HOGA1: variants seen among roughly 807,000 people sequenced by gnomAD.
HOGA1 encodes 4-hydroxy-2-oxoglutarate aldolase 1, also known as 4-hydroxy-2-oxoglutarate aldolase, mitochondrial.
In HOGA1, 30 loss-of-function variants were observed where a neutral mutation model predicts 34.3. That is an observed-to-expected ratio of 0.87 (90% confidence interval 0.65 to 1.19). The LOEUF is 1.19. Ranked by LOEUF, HOGA1 falls within the 50% of genes most tolerant of loss-of-function variation. The pLI, the probability that HOGA1 is intolerant of heterozygous loss-of-function variation, is 0.00. For synonymous variants in HOGA1, 161 were observed against 174.0 expected, an observed-to-expected ratio of 0.93 and a Z score of 0.59; for missense variants, 417 against 436.5, an observed-to-expected ratio of 0.96 and a Z score of 0.40.
At chr10:97,609,116 T>C (rs1303458426) in intron 6 of HOGA1, among the ~76,000 whole-genome samples, 1 of 152,148 alleles carries the variant, frequency 6.6e-6, no homozygotes, top group Non-Finnish European at 1.5e-5. Context: ...TATAAGAACT[T>C]GCAGAAACGA....
rs1169191059 is a variant in HOGA1, at chr10:97,593,029, C to CAAAAAAAAAAAAA, written c.212-5736_212-5724dup. On this transcript the variant is annotated intron_variant, in intron 1 of 6. Transcript: ENST00000370646. ...TGGGCGACAGAGTGAGACTCTGTCTCAAAAAAAAAAAAAAAAAAAAAAGAG... is the reference window on the plus strand; with the variant it reads ...TGGGCGACAGAGTGAGACTCTGTCTCAAAAAAAAAAAAAAAAAAAAAAAAAAAAAAAAAAAGAG... Among the ~76,000 whole-genome samples the CAAAAAAAAAAAAA allele has an allele frequency of 1.4e-3, 67 of 47,774 alleles. 1 individual carries two copies. Among genetic ancestry groups the CAAAAAAAAAAAAA allele is most frequent in the African/African-American group, 2.2e-3 (25 of 11,404 alleles). The allele number at this position is 47,774 out of a possible 152,430, so 31.3% of individuals were successfully genotyped here.
chr10:97,598,736 A>G, intron 1 of HOGA1, 39 bp from the exon 2 acceptor site: 1 of 1,613,682 alleles, frequency 6.2e-7, no homozygotes, highest in South Asian at 1.1e-5. Flanking sequence ...GTTGTTCGGT[A>G]GAGGATGGGA....
At chr10:97,587,831 A>G (rs1368718144) in intron 1 of HOGA1, among the ~76,000 whole-genome samples, 7 of 149,960 alleles carry the variant, frequency 4.7e-5, no homozygotes, top group African/African-American at 1.7e-4. Context: ...TATTTTTAAG[A>G]TGGGGTCTCA....
At chr10:97,609,318 C>T (rs1378299867) in intron 6 of HOGA1, among the ~76,000 whole-genome samples, 1 of 152,092 alleles carries the variant, frequency 6.6e-6, no homozygotes, top group African/African-American at 2.4e-5. Context: ...CTCATCTGGC[C>T]CTTGGGACGT....
chr10:97,590,610 C>A, intron 1 of HOGA1: 1 of 1,579,114 alleles, frequency 6.3e-7, no homozygotes. Context: ...TGGATGGAGA[C>A]GCCCCTGCCC....
chr10:97,586,937 G>A (rs2040975710), intron 1 of HOGA1, among the ~76,000 whole-genome samples: 1 of 152,150 alleles, frequency 6.6e-6, no homozygotes. Context: ...AGAGGACCTG[G>A]GCAAGAATCC....
intron 1 of HOGA1, among the ~76,000 whole-genome samples, chr10:97,594,980 C>T (rs959424412): frequency 1.3e-5 from 2 of 152,200 alleles, no homozygotes; most frequent in African/African-American, 4.8e-5. Flanking sequence ...CCCAGGAAGA[C>T]TTCTCAGAGG....
intron 1 of HOGA1, chr10:97,590,219 G>A (rs1335850462): frequency 6.2e-7 from 1 of 1,613,806 alleles, no homozygotes; most frequent in Non-Finnish European, 8.5e-7. Flanking sequence ...AGTGATCCAA[G>A]AGATCCACCA....
At chr10:97,609,449 AT>A (rs1315754842) in intron 6 of HOGA1, among the ~76,000 whole-genome samples, 1 of 151,916 alleles carries the variant, frequency 6.6e-6, no homozygotes, top group Non-Finnish European at 1.5e-5. Context: ...GCCCTACCCC[AT>A]CCTGCCTCAC....
At chr10:97,602,343 C>T in intron 6 of HOGA1, 4 of 1,222,526 alleles carry the variant, frequency 3.3e-6, no homozygotes, top group South Asian at 3.1e-5. Flanking sequence ...AGAGTGTAAA[C>T]CAGGGGCCTC....
intron 1 of HOGA1, among the ~76,000 whole-genome samples, chr10:97,598,085 T>C (rs925491527): frequency 6.6e-6 from 1 of 152,274 alleles, no homozygotes; most frequent in African/African-American, 2.4e-5. Flanking sequence ...AAAATGTTTG[T>C]TTCAGCATTG....
intron 6 of HOGA1, 98 bp downstream of exon 6, chr10:97,602,088 C>G: frequency 6.4e-7 from 1 of 1,551,090 alleles, no homozygotes; most frequent in Non-Finnish European, 8.7e-7. Context: ...CCCACTCAGT[C>G]TCTTCCTTTC....
At chr10:97,608,671 G>T (rs1057359875) in intron 6 of HOGA1, among the ~76,000 whole-genome samples, 3 of 152,010 alleles carry the variant, frequency 2.0e-5, no homozygotes, top group African/African-American at 7.3e-5. Context: ...CAGGCATGGT[G>T]TTGGTCACCT....
chr10:97,592,240 CT>C (rs370993111), intron 1 of HOGA1, among the ~76,000 whole-genome samples: 199 of 121,082 alleles, frequency 1.6e-3, no homozygotes, highest in African/African-American at 3.4e-3. Flanking sequence ...AATCCCTGTA[CT>C]TTTTTTTTTT....
At position 97,584,620 on chromosome 10, in the gene HOGA1, G is replaced by A. The variant is rs562415026; in HGVS notation, c.-84G>A. On this transcript the variant is annotated 5_prime_UTR_variant, in exon 1 of 7. Coordinates refer to ENST00000370646, the MANE Select transcript of HOGA1 (RefSeq NM_138413.4). ...CCGCAAATTTTTAACTAGAAACATT[G>A]ATCATTAATAGGGGGTTAGAAAGAG... The A allele has an allele frequency of 1.6e-6, 2 of 1,252,402 alleles. No homozygotes were observed. Among genetic ancestry groups the A allele is most frequent in the South Asian group, 1.4e-5 (1 of 70,922 alleles). 77.6% of individuals were successfully genotyped at this position (1,252,402 alleles called of 1,614,324 possible). A position where few individuals can be genotyped will look rare whatever the true frequency, so the allele number is the denominator to read the frequency against.
chr10:97,596,124 C>T (rs936831988), intron 1 of HOGA1, among the ~76,000 whole-genome samples: 1 of 152,248 alleles, frequency 6.6e-6, no homozygotes, highest in African/African-American at 2.4e-5. Context: ...GCTGCCCTGA[C>T]TACGCCACAC....
chr10:97,591,074 T>A (rs2041018654), intron 1 of HOGA1: 1 of 155,826 alleles, frequency 6.4e-6, no homozygotes. Context: ...CATTTAAAGC[T>A]CCATAAAACA....
At chr10:97,609,982 C>T (rs1022367125) in intron 6 of HOGA1, among the ~76,000 whole-genome samples, 1 of 152,194 alleles carries the variant, frequency 6.6e-6, no homozygotes, top group East Asian at 1.9e-4. Context: ...TTATCCCAAA[C>T]AACCTTTTAT....
intron 5 of HOGA1, among the ~76,000 whole-genome samples, chr10:97,601,275 T>C (rs1011714737): frequency 8.5e-5 from 13 of 152,254 alleles, no homozygotes; most frequent in Middle Eastern, 3.4e-3. Context: ...TGGCGGGGGT[T>C]TCTGAGATCA....
Sources: allele counts gnomAD v4.1 joint callset (sites outside exome capture counted in the v4.1 genomes callset), GRCh38; gene constraint gnomAD v4.1.1; transcripts MANE v1.5; gene names NCBI Gene and HGNC (gene_info 2026-07-23, HGNC 2026-07-21).